Variants in HTR1E observed in about 807,000 individuals in gnomAD.
The protein encoded by HTR1E is 5-HT-1E.
Under a neutral mutation model 3.4 loss-of-function variants are expected in HTR1E, and 3 were observed. That is an observed-to-expected ratio of 0.89 (90% CI 0.41 to 2.31). The LOEUF is 2.31. HTR1E is among the 30% of genes most tolerant of loss of function. The pLI, the probability that HTR1E is intolerant of heterozygous loss-of-function variation, is 0.05. For synonymous variants in HTR1E, 170 were observed against 182.8 expected (o/e 0.93, Z 0.56); for missense variants, 392 against 467.0 (o/e 0.84, Z 1.48).
At chr6:87,006,882 T>A (rs1768117707) in intron 1 of HTR1E, among the ~76,000 whole-genome samples, 1 of 151,964 alleles carries the variant, frequency 6.6e-6, no homozygotes, top group Non-Finnish European at 1.5e-5. Context: ...ATAGAACACA[T>A]GGACACAGGG....
chr6:86,973,306 G>C (rs1234691954), intron 1 of HTR1E, among the ~76,000 whole-genome samples: 2 of 105,724 alleles, frequency 1.9e-5, no homozygotes, highest in Non-Finnish European at 4.0e-5. Context: ...GGCTGTGTGT[G>C]TGTGTGTGTG....
chr6:86,975,425 C>T (rs184342946), intron 1 of HTR1E, among the ~76,000 whole-genome samples: 120 of 152,202 alleles, frequency 7.9e-4, no homozygotes, highest in African/African-American at 2.6e-3. Context: ...ACATCCTCTC[C>T]TGTATGTTCA....
At chr6:86,950,944 T>C (rs1405952616) in intron 1 of HTR1E, among the ~76,000 whole-genome samples, 2 of 152,208 alleles carry the variant, frequency 1.3e-5, no homozygotes, top group African/African-American at 4.8e-5. Context: ...AAGGTGATCA[T>C]CTTCTCTAAT....
chr6:86,965,888 C>A (rs1293624521), intron 1 of HTR1E, among the ~76,000 whole-genome samples: 1 of 152,018 alleles, frequency 6.6e-6, no homozygotes. Context: ...TAAAAGAATG[C>A]AAATTGGTTA....
rs982107973 is a variant in HTR1E, at chr6:86,972,000, G to T, written c.-186+34177G>T. On this transcript the variant is annotated intron_variant, in intron 1 of 1. Transcript: ENST00000305344. ...ATAACCCACAAGCAGATAATTGAGG[G>T]GTGAATGTCAACTGAATATAAGAAA... Among the ~76,000 whole-genome samples, 14 of 152,094 alleles carry T rather than the reference G, an allele frequency of 9.2e-5. 1 individual carries two copies. Among genetic ancestry groups the T allele is most frequent in the Admixed American group, 9.2e-4 (14 of 15,268 alleles).
intron 1 of HTR1E, among the ~76,000 whole-genome samples, chr6:86,981,386 T>G (rs74542399): frequency 1.1e-3 from 162 of 152,344 alleles, no homozygotes; most frequent in African/African-American, 3.8e-3. Flanking sequence ...CAGCCTCACA[T>G]GAACCTTAGG....
rs62440836 is a variant in HTR1E at position 86,982,678 on chromosome 6, T to C, written c.-185-32472T>C. Among the ~76,000 whole-genome samples the C allele has an allele frequency of 6.9e-3, 1,053 of 152,224 alleles. 4 individuals carry two copies. Among genetic ancestry groups the C allele is most frequent in the Non-Finnish European group, 0.012 (822 of 68,002 alleles). On this transcript the variant is annotated intron_variant, in intron 1 of 1. Coordinates refer to ENST00000305344, the MANE Select transcript of HTR1E (RefSeq NM_000865.3). ...AGTCTGGAATCTGACTATGCAAAAA[T>C]GAAAAGATCCTGAGCTCCCTCTCCA...
intron 1 of HTR1E, among the ~76,000 whole-genome samples, chr6:87,010,041 T>G (rs1349320209): frequency 1.3e-5 from 1 of 77,590 alleles, no homozygotes. Context: ...CCGGACGGGG[T>G]GGCTGGCCAG....
intron 1 of HTR1E, among the ~76,000 whole-genome samples, chr6:86,945,574 A>G (rs1436306040): frequency 6.6e-6 from 1 of 152,112 alleles, no homozygotes; most frequent in Non-Finnish European, 1.5e-5. Context: ...GAAAAAATTT[A>G]AAGTTTTAAA....
At chr6:86,938,725 G>A (rs183001092) in intron 1 of HTR1E, among the ~76,000 whole-genome samples, 14 of 152,272 alleles carry the variant, frequency 9.2e-5, no homozygotes, top group African/African-American at 2.9e-4. Flanking sequence ...CTCTTGGGGA[G>A]GGAGCAGCCC....
At chr6:86,945,295 T>A (rs1330749482) in intron 1 of HTR1E, among the ~76,000 whole-genome samples, 1 of 152,136 alleles carries the variant, frequency 6.6e-6, no homozygotes, top group Non-Finnish European at 1.5e-5. Flanking sequence ...CAGGCTGGAG[T>A]GCAGCAGCAC....
intron 1 of HTR1E, among the ~76,000 whole-genome samples, chr6:87,005,184 A>C (rs1768083193): frequency 6.6e-6 from 1 of 152,202 alleles, no homozygotes. Context: ...TATGGCTATA[A>C]GGCAATCCCT....
At chr6:87,001,345 C>T (rs1176427816) in intron 1 of HTR1E, among the ~76,000 whole-genome samples, 1 of 152,190 alleles carries the variant, frequency 6.6e-6, no homozygotes, top group African/African-American at 2.4e-5. Flanking sequence ...GGACTAAACT[C>T]TCTACTCAAA....
At chr6:86,960,653 G>A (rs184438285) in intron 1 of HTR1E, among the ~76,000 whole-genome samples, 1 of 152,302 alleles carries the variant, frequency 6.6e-6, no homozygotes, top group Admixed American at 6.5e-5. Flanking sequence ...TTAAATGAAA[G>A]AAAGGCTGAG....
At chr6:87,008,933 A>C (rs1768158899) in intron 1 of HTR1E, among the ~76,000 whole-genome samples, 1 of 152,196 alleles carries the variant, frequency 6.6e-6, no homozygotes, top group Admixed American at 6.5e-5. Context: ...CCTTATGTTT[A>C]AGCTTCCTTG....
At chr6:86,976,063 A>G (rs1164267936) in intron 1 of HTR1E, among the ~76,000 whole-genome samples, 1 of 152,078 alleles carries the variant, frequency 6.6e-6, no homozygotes, top group Non-Finnish European at 1.5e-5. Flanking sequence ...CATGGAAAAC[A>G]CCGCCTATTG....
At chr6:86,989,147 A>T (rs1767838561) in intron 1 of HTR1E, among the ~76,000 whole-genome samples, 1 of 152,116 alleles carries the variant, frequency 6.6e-6, no homozygotes, top group African/African-American at 2.4e-5. Flanking sequence ...GTTCTAAGGG[A>T]TCCTCCAGGT....
intron 1 of HTR1E, among the ~76,000 whole-genome samples, chr6:86,984,055 GA>G (rs1411538511): frequency 6.6e-6 from 1 of 151,996 alleles, no homozygotes; most frequent in Non-Finnish European, 1.5e-5. Context: ...AGGTACTCTA[GA>G]AAAGTTTTCC....
chr6:86,956,436 G>C (rs1023004460), intron 1 of HTR1E, among the ~76,000 whole-genome samples: 1 of 152,110 alleles, frequency 6.6e-6, no homozygotes, highest in African/African-American at 2.4e-5. Flanking sequence ...CAGTTCTTTA[G>C]ATAATAACTT....
Sources: gnomAD v4.1 joint callset for allele counts (sites outside exome capture counted in the v4.1 genomes callset) on GRCh38, gnomAD v4.1.1 for gene constraint, MANE v1.5 for transcripts, NCBI Gene and HGNC (gene_info 2026-07-23, HGNC 2026-07-21) for gene names.